The following DGKB variants were observed in gnomAD, a reference collection of about 807,000 sequenced individuals.
DGKB encodes diacylglycerol kinase beta.
DGKB carries 67 observed loss-of-function variants against 114.3 expected under a neutral mutation model. The ratio of observed to expected loss-of-function variants is 0.59; its 90% CI spans 0.48 to 0.72. The LOEUF (loss-of-function observed/expected upper bound fraction) is 0.72. Ranked by LOEUF, DGKB falls within the 30% of genes least tolerant of loss-of-function variation. The pLI is 0.00. For missense variants in DGKB, 907 were observed against 975.2 expected (o/e 0.93, Z 0.93); for synonymous variants, 398 against 323.1 (o/e 1.23, Z -2.49).
chr7:14,233,597 A>G (rs1308567171), intron 23 of DGKB, among the ~76,000 whole-genome samples: 3 of 152,062 alleles, frequency 2.0e-5, no homozygotes, highest in Non-Finnish European at 2.9e-5. Flanking sequence ...GAATGTTTTC[A>G]AATGATTTTT....
chr7:14,282,532 T>A (rs1486418726), intron 23 of DGKB, among the ~76,000 whole-genome samples: 1 of 152,004 alleles, frequency 6.6e-6, no homozygotes, highest in Non-Finnish European at 1.5e-5. Context: ...ATCATTCTGA[T>A]ACCAAAGCCG....
At chr7:14,435,238 G>A (rs1258007328) in intron 21 of DGKB, among the ~76,000 whole-genome samples, 1 of 152,026 alleles carries the variant, frequency 6.6e-6, no homozygotes, top group East Asian at 1.9e-4. Flanking sequence ...GTATCACAAG[G>A]AAAGACTATA....
intron 21 of DGKB, among the ~76,000 whole-genome samples, chr7:14,365,365 T>C (rs1381174669): frequency 6.6e-6 from 1 of 152,068 alleles, no homozygotes; most frequent in Non-Finnish European, 1.5e-5. Flanking sequence ...GTAATTATAA[T>C]CCTTAACTTC....
At chr7:14,784,797 C>T (rs1326169134) in intron 2 of DGKB, among the ~76,000 whole-genome samples, 3 of 149,816 alleles carry the variant, frequency 2.0e-5, no homozygotes, top group Admixed American at 1.3e-4. Context: ...AACCTGGCTT[C>T]ATTATTTTAC....
intron 20 of DGKB, among the ~76,000 whole-genome samples, chr7:14,548,934 A>C (rs973633190): frequency 2.0e-5 from 3 of 152,020 alleles, no homozygotes; most frequent in Non-Finnish European, 4.4e-5. Context: ...GTTCTAGATG[A>C]GTGATCTAGG....
chr7:14,425,831 G>T (rs1462777570), intron 21 of DGKB, among the ~76,000 whole-genome samples: 1 of 152,068 alleles, frequency 6.6e-6, no homozygotes, highest in Non-Finnish European at 1.5e-5. Context: ...CAGTCTCATA[G>T]CATATACAAA....
At position 14,347,158 on chromosome 7, in the gene DGKB, A is replaced by G. The variant is rs1288509370; in HGVS notation, c.1836-1767T>C. Among the ~76,000 whole-genome samples the G allele has an allele frequency of 2.6e-5, 4 of 152,092 alleles. No individual in the cohort carries two copies. The East Asian group carries it at 7.7e-4, about 29-fold the overall frequency. ...TGGAGGGAGTATGCCTGGACATGTG[A>G]GGCCCACTGGGATCTTGGTTATTAT... On this transcript the variant is annotated intron_variant, in intron 21 of 25. Transcript: ENST00000402815.
At chr7:14,892,855 T>C (rs1034064511) in intron 1 of DGKB, among the ~76,000 whole-genome samples, 1 of 85,436 alleles carries the variant, frequency 1.2e-5, no homozygotes, top group African/African-American at 5.4e-5. Context: ...ACTAATACCA[T>C]ATATATATAT....
intron 23 of DGKB, among the ~76,000 whole-genome samples, chr7:14,289,866 T>C (rs1476877111): frequency 1.3e-5 from 2 of 151,946 alleles, no homozygotes; most frequent in Non-Finnish European, 2.9e-5. Context: ...AAACGGAACT[T>C]TGCAAATCAA....
chr7:14,879,385 C>A (rs1170746612), intron 1 of DGKB, among the ~76,000 whole-genome samples: 1 of 149,510 alleles, frequency 6.7e-6, no homozygotes, highest in Non-Finnish European at 1.5e-5. Context: ...CTGTTTCTAT[C>A]ACTTCAGATG....
intron 21 of DGKB, among the ~76,000 whole-genome samples, chr7:14,355,292 T>C (rs182256567): frequency 6.6e-6 from 1 of 152,210 alleles, no homozygotes; most frequent in Admixed American, 6.5e-5. Context: ...CTGATTGCCC[T>C]GGCCAGAACT....
intron 23 of DGKB, among the ~76,000 whole-genome samples, chr7:14,244,693 A>AT (rs1176622557): frequency 4.3e-5 from 6 of 138,234 alleles, no homozygotes; most frequent in African/African-American, 1.6e-4. Flanking sequence ...AAAAAAAAAA[A>AT]GGGGTGCCTT....
rs766558072 is a variant in DGKB at position 14,698,157 on chromosome 7, T to A, written c.529A>T (p.Ile177Phe). Residue 177 changes from isoleucine to phenylalanine, a missense_variant, in exon 8 of 26, where the codon ATC (isoleucine) becomes TTC (phenylalanine). Physicochemically the swap from Ile to Phe is conservative, Grantham distance 21. Coordinates refer to ENST00000402815, the MANE Select transcript of DGKB (RefSeq NM_001350709.2). ...GCAACATGCATCATCTGACTGATGA[T>A]ATTTTCTAGCTCCTGGAAGAGAAAG... ...GFLDSSELEN[I>F]ISQMMHVAEY... 4.6e-6 allele frequency: 7 copies of A among 1,530,206 alleles called. No homozygotes were observed. Among genetic ancestry groups the A allele is most frequent in the Non-Finnish European group, 6.1e-6 (7 of 1,141,444 alleles). 94.8% of individuals were successfully genotyped at this position (1,530,206 alleles called of 1,614,324 possible). A position where few individuals can be genotyped will look rare whatever the true frequency, so the allele number is the denominator to read the frequency against.
intron 2 of DGKB, among the ~76,000 whole-genome samples, chr7:14,818,452 G>A (rs1386582584): frequency 6.6e-6 from 1 of 152,126 alleles, no homozygotes; most frequent in African/African-American, 2.4e-5. Flanking sequence ...GTGGCCCACT[G>A]TGTTCCCCAG....
intron 1 of DGKB, among the ~76,000 whole-genome samples, chr7:14,871,792 G>T (rs909834755): frequency 8.5e-5 from 13 of 152,160 alleles, no homozygotes; most frequent in African/African-American, 2.7e-4. Flanking sequence ...TAGGCAGATT[G>T]CTATATATGG....
intron 21 of DGKB, among the ~76,000 whole-genome samples, chr7:14,385,219 CTGAGGGAGAAAAATGAATTCCA>C (rs1820124728): frequency 6.6e-6 from 1 of 152,000 alleles, no homozygotes; most frequent in African/African-American, 2.4e-5. Context: ...GAGTTTTGTT[CTGAGGGAGAAAAATGAATTCCA>C]TGGCCAAAAG....
chr7:14,657,424 T>C (rs1816079833), intron 13 of DGKB, among the ~76,000 whole-genome samples: 1 of 151,944 alleles, frequency 6.6e-6, no homozygotes, highest in Non-Finnish European at 1.5e-5. Context: ...CTATAATGAA[T>C]ATTAATTAAA....
chr7:14,833,462 T>A (rs753168962), intron 2 of DGKB, among the ~76,000 whole-genome samples: 32 of 152,124 alleles, frequency 2.1e-4, no homozygotes, highest in Admixed American at 5.2e-4. Flanking sequence ...AGGTTCTTAA[T>A]CATGTTTCAG....
intron 2 of DGKB, among the ~76,000 whole-genome samples, chr7:14,760,010 T>C (rs1164087381): frequency 6.6e-6 from 1 of 152,212 alleles, no homozygotes; most frequent in East Asian, 1.9e-4. Flanking sequence ...TAATGACTAA[T>C]AATGCTGAGC....
Sources: gnomAD v4.1 joint callset for allele counts (sites outside exome capture counted in the v4.1 genomes callset) on GRCh38, gnomAD v4.1.1 for gene constraint, MANE v1.5 for transcripts, NCBI Gene and HGNC (gene_info 2026-07-23, HGNC 2026-07-21) for gene names.